Variants in VPS13C observed in about 807,000 individuals in gnomAD.
VPS13C encodes the protein vacuolar protein sorting 13 homolog C, also known as intermembrane lipid transfer protein VPS13C.
In VPS13C, 358 loss-of-function variants were observed where a neutral mutation model predicts 456.8. That is an observed-to-expected ratio of 0.78 (90% confidence interval 0.72 to 0.86). The LOEUF (loss-of-function observed/expected upper bound fraction) is 0.86, where lower values mean the gene tolerates loss of function less well. Among genes scored for constraint, VPS13C ranks in the 40% least tolerant of loss-of-function variants. The pLI is 0.00. For synonymous variants in VPS13C, 1,578 were observed against 1,486.7 expected (o/e 1.06, Z -1.41); for missense variants, 4,818 against 4,385.4 (o/e 1.10, Z -2.79).
At chr15:61,955,863 C>T (rs2044976622) in intron 37 of VPS13C, among the ~76,000 whole-genome samples, 1 of 152,110 alleles carries the variant, frequency 6.6e-6, no homozygotes, top group South Asian at 2.1e-4. Context: ...AATACTTATA[C>T]ACTGTAGGTA....
intron 13 of VPS13C, among the ~76,000 whole-genome samples, chr15:62,009,467 G>A (rs2140501287): frequency 6.6e-6 from 1 of 152,180 alleles, no homozygotes; most frequent in East Asian, 1.9e-4. Context: ...CACTTGAAAT[G>A]TGTCTAGTCT....
At chr15:62,041,403 A>G in intron 2 of VPS13C, 37 bp from the exon 3 acceptor site, 1 of 1,574,356 alleles carries the variant, frequency 6.4e-7, no homozygotes, top group Non-Finnish European at 8.6e-7. Context: ...GACATCTTAA[A>G]TTATGAAGCC....
chr15:62,008,666 A>C lies in VPS13C; in HGVS notation c.1107T>G (p.Asn369Lys). The C allele has an allele frequency of 1.3e-6, 2 of 1,599,484 alleles. No homozygotes were observed. The highest frequency in any genetic ancestry group is 1.7e-6 in the Non-Finnish European group (2 of 1,173,052). The part of the protein sequence containing the change: ...KYKPYLPLHT[N>K]GRRWWKYAID... ...AAATTCTAACTTACCATCGTCGACCATTGGTATGAAGTGGTAAATAAGGCT... is the reference window on the plus strand; with the variant it reads ...AAATTCTAACTTACCATCGTCGACCCTTGGTATGAAGTGGTAAATAAGGCT... The change falls in exon 14 of 85, where the codon AAT becomes AAG. Residue 369 changes from asparagine to lysine, a missense_variant. Around this residue, in one of 3 missense-constraint regions of VPS13C, gnomAD observed 4,552 missense variants for 4,130.6 expected, o/e 1.10. Coordinates refer to ENST00000644861, the MANE Select transcript of VPS13C (RefSeq NM_020821.3).
chr15:61,988,982 A>G (rs2046142299), intron 18 of VPS13C, among the ~76,000 whole-genome samples: 1 of 152,180 alleles, frequency 6.6e-6, no homozygotes, highest in South Asian at 2.1e-4. Context: ...TGACCTTGCA[A>G]TGAGGAAAGA....
chr15:61,933,479 G>GT (rs2044127908), intron 49 of VPS13C, among the ~76,000 whole-genome samples: 1 of 152,050 alleles, frequency 6.6e-6, no homozygotes, highest in African/African-American at 2.4e-5. Context: ...ATCTGTATCT[G>GT]TTGTTAATGT....
chr15:61,873,197 C>A (rs918933739), intron 78 of VPS13C, 49 bp downstream of exon 78: 2 of 1,608,758 alleles, frequency 1.2e-6, no homozygotes, highest in Admixed American at 1.7e-5. Context: ...AGCTAGAATA[C>A]ACTTTTTTTT....
rs2047633999 is a variant in VPS13C at position 62,026,265 on chromosome 15, T to A, written c.448+2093A>T. On this transcript the variant is annotated intron_variant, in intron 6 of 84. Coordinates refer to ENST00000644861, the MANE Select transcript of VPS13C (RefSeq NM_020821.3). ...CAAATCAAAATCAATTAGTCCTTCT[T>A]GCACTTTAAATGAACCCCTTTACAC... is the stretch of plus-strand genomic sequence containing the variant. 2.0e-5 allele frequency among the ~76,000 whole-genome samples: 3 copies of A among 151,876 alleles called. No homozygotes were observed. The South Asian group carries it at 6.2e-4, about 32-fold the overall frequency.
chr15:61,904,646 A>G (rs1422361847), intron 66 of VPS13C, among the ~76,000 whole-genome samples: 2 of 152,116 alleles, frequency 1.3e-5, no homozygotes, highest in Non-Finnish European at 2.9e-5. Flanking sequence ...CTTGGTATAT[A>G]TCCCAATGAA....
intron 3 of VPS13C, among the ~76,000 whole-genome samples, chr15:62,040,918 A>G (rs1596522083): frequency 1.3e-5 from 2 of 152,198 alleles, no homozygotes; most frequent in South Asian, 2.1e-4. Flanking sequence ...GCTGCATAAT[A>G]TATCAAGTGA....
rs186039149 is a variant in VPS13C, at chr15:62,049,938, T to C, written c.101-5683A>G. The stretch of plus-strand genomic sequence containing the variant: ...TGGTATATAAGAATGCTTGTGATTT[T>C]TGCACATTGATTTTGTATCCTGAGA... On this transcript the variant is annotated intron_variant, in intron 1 of 84. Coordinates refer to ENST00000644861, the MANE Select transcript of VPS13C (RefSeq NM_020821.3). 9.7e-4 allele frequency among the ~76,000 whole-genome samples: 147 copies of C among 152,328 alleles called. 2 individuals are homozygous for C. The Middle Eastern group carries it at 0.01, about 11-fold the overall frequency.
At position 61,890,133 on chromosome 15, in the gene VPS13C, GTTTAGGATGTCTTATTTTCC is replaced by G; in HGVS notation, c.9341+12_9341+31del. 6.2e-7 allele frequency: 1 copy of G among 1,605,424 alleles called. No homozygotes were observed. The highest frequency in any genetic ancestry group is 8.5e-7 in the Non-Finnish European group (1 of 1,173,112). ...ATTATGAACTTAATGCCTTTTAAAG[GTTTAGGATGTCTTATTTTCC>G]TTCTTGCATACCTGGTTATCCCAAT... On this transcript the variant is annotated intron_variant, in intron 67 of 84. Transcript: ENST00000644861.
chr15:61,923,891 A>T, intron 53 of VPS13C, among the ~76,000 whole-genome samples: 1 of 71,914 alleles, frequency 1.4e-5, no homozygotes. Flanking sequence ...TTTGAGACGG[A>T]GTCTCGCTCT....
At position 61,865,283 on chromosome 15, in the gene VPS13C, T is replaced by A. The variant is rs1352694251; in HGVS notation, c.10864-1755A>T. The A allele has an allele frequency of 3.1e-6, 3 of 980,892 alleles. No individual in the cohort carries two copies. In the African/African-American group the frequency reaches 5.3e-5, roughly 17 times the overall value. The allele number at this position is 980,892 out of a possible 1,614,324, so 60.8% of individuals were successfully genotyped here. ...TATAAAAAAGCAAAATCTATAATGA[T>A]GTTTATTACAGCATTATTACTGTTA... On this transcript the variant is annotated intron_variant, in intron 81 of 84. Coordinates refer to ENST00000644861, the MANE Select transcript of VPS13C (RefSeq NM_020821.3).
chr15:62,023,372 C>T (rs1042122641), intron 8 of VPS13C, 39 bp downstream of exon 8: 1 of 1,170,964 alleles, frequency 8.5e-7, no homozygotes, highest in Non-Finnish European at 1.2e-6. Flanking sequence ...TTATAAAATA[C>T]ATATTTAATT....
Position 62,017,747 on chromosome 15 carries a change from T to C in VPS13C, c.684+2732A>G, listed in dbSNP as rs920876933. Among the ~76,000 whole-genome samples the C allele has an allele frequency of 2.0e-4, 30 of 152,308 alleles. No homozygotes were observed. The South Asian group carries it at 3.9e-3, about 20-fold the overall frequency. On this transcript the variant is annotated intron_variant, in intron 9 of 84. Transcript: ENST00000644861. ...TGCCTCCAGCTTTGTTCTTTTGGCT[T>C]AGGATTGACTTGGCAATGTGGGCTC... is the stretch of plus-strand genomic sequence containing the variant.
rs749246259 is a variant in VPS13C, at chr15:62,007,316, C to A, written c.1282G>T (p.Glu428Ter). 1.2e-6 allele frequency: 2 copies of A among 1,605,066 alleles called. No individual in the cohort carries two copies. Among genetic ancestry groups the A allele is most frequent in the South Asian group, 1.1e-5 (1 of 88,616 alleles). The change falls in exon 15 of 85, where the codon GAA (glutamate) becomes TAA (stop). Residue 428 changes from glutamate to a stop codon, truncating the protein, a stop_gained. Transcript: ENST00000644861. LOFTEE classifies it high-confidence loss of function. ...QSKVSEEIQK[E>*]IQDLEKTLDV... is the part of the protein sequence containing the mutation. ...ATATATGCAAGATATACCTGAATTT[C>A]TTTCTGTATTTCTTCTGAGACTTTA... is the stretch of plus-strand genomic sequence containing the variant.
intron 18 of VPS13C, among the ~76,000 whole-genome samples, chr15:61,987,170 G>GTA (rs1420349038): frequency 1.3e-5 from 2 of 150,472 alleles, no homozygotes; most frequent in Admixed American, 6.6e-5. Flanking sequence ...ATTCTAAAAG[G>GTA]TATATATAAG....
Position 61,882,789 on chromosome 15 carries a change from T to C in VPS13C, c.9484-53A>G, listed in dbSNP as rs1895966026. On this transcript the variant is annotated intron_variant, in intron 68 of 84. Transcript: ENST00000644861. ...TGAGCTGATATTAGCACAGTAGCTATTCCATTTTTAATATCTGTTTATTGA... is the reference window on the plus strand; with the variant it reads ...TGAGCTGATATTAGCACAGTAGCTACTCCATTTTTAATATCTGTTTATTGA... 1.2e-5 allele frequency: 17 copies of C among 1,462,292 alleles called. 1 individual carries two copies. In the Middle Eastern group the frequency reaches 9.2e-4, roughly 79 times the overall value. The allele number at this position is 1,462,292 out of a possible 1,614,324, so 90.6% of individuals were successfully genotyped here.
intron 57 of VPS13C, among the ~76,000 whole-genome samples, 167 bp downstream of exon 57, chr15:61,919,900 T>C (rs1402895831): frequency 6.6e-6 from 1 of 150,774 alleles, no homozygotes; most frequent in Non-Finnish European, 1.5e-5. Flanking sequence ...ATCAATAAAG[T>C]TTAATTTTCT....
Sources: allele counts gnomAD v4.1 joint callset (sites outside exome capture counted in the v4.1 genomes callset), GRCh38; gene constraint gnomAD v4.1.1; regional missense constraint gnomAD v4.1.1; transcripts MANE v1.5; gene names NCBI Gene and HGNC (gene_info 2026-07-23, HGNC 2026-07-21).